The following SLC4A4 variants were observed in gnomAD, a reference collection of about 807,000 sequenced individuals.
SLC4A4 encodes solute carrier family 4 member 4, also known as electrogenic sodium bicarbonate cotransporter 1.
Under a neutral mutation model 111.5 loss-of-function variants are expected in SLC4A4, and 27 were observed. That is an observed-to-expected ratio of 0.24 (90% CI 0.18 to 0.33). The LOEUF (loss-of-function observed/expected upper bound fraction) is 0.33. Ranked by LOEUF, SLC4A4 falls within the 10% of genes least tolerant of loss-of-function variation. SLC4A4 has a pLI of 1.00. For missense variants in SLC4A4, 909 were observed against 1,315.5 expected, an observed-to-expected ratio of 0.69 and a Z score of 4.78; for synonymous variants, 443 against 463.4, an observed-to-expected ratio of 0.96 and a Z score of 0.57.
intron 12 of SLC4A4, among the ~76,000 whole-genome samples, chr4:71,457,212 G>T (rs1240908644): frequency 6.6e-6 from 1 of 152,166 alleles, no homozygotes; most frequent in African/African-American, 2.4e-5. Context: ...ATTAGAAGCA[G>T]ATTATTTTGG....
intron 3 of SLC4A4, among the ~76,000 whole-genome samples, chr4:71,299,421 G>A (rs1489021340): frequency 6.6e-6 from 1 of 152,206 alleles, no homozygotes; most frequent in Non-Finnish European, 1.5e-5. Flanking sequence ...GATGCTCTGT[G>A]TAGAGCTTCC....
chr4:71,409,396 T>A (rs781367073), intron 7 of SLC4A4, among the ~76,000 whole-genome samples: 10 of 152,202 alleles, frequency 6.6e-5, no homozygotes, highest in Non-Finnish European at 1.0e-4. Flanking sequence ...CAGATGGAGA[T>A]GTGTAACTTG....
chr4:71,399,291 T>A (rs1012121512), intron 7 of SLC4A4, among the ~76,000 whole-genome samples: 1 of 152,190 alleles, frequency 6.6e-6, no homozygotes, highest in Non-Finnish European at 1.5e-5. Context: ...TTTCACACTT[T>A]GCTGATTTTT....
At chr4:71,465,324 T>C (rs1343669209) in intron 12 of SLC4A4, among the ~76,000 whole-genome samples, 1 of 151,946 alleles carries the variant, frequency 6.6e-6, no homozygotes, top group Non-Finnish European at 1.5e-5. Flanking sequence ...AAATGTTTTA[T>C]TTTAAAAGTT....
upstream of SLC4A4, among the ~76,000 whole-genome samples, chr4:71,183,980 T>C (rs1202198985): frequency 6.6e-6 from 1 of 152,204 alleles, no homozygotes; most frequent in Non-Finnish European, 1.5e-5. Context: ...AACAATATTT[T>C]TCACCTTTTT....
At chr4:71,548,965 C>A (rs1328475198) in intron 20 of SLC4A4, among the ~76,000 whole-genome samples, 1 of 151,852 alleles carries the variant, frequency 6.6e-6, no homozygotes, top group Non-Finnish European at 1.5e-5. Flanking sequence ...TGTAATTATT[C>A]ATCTTTTTTC....
At chr4:71,536,484 A>ATATATATATATATATG (rs1456558456) in intron 18 of SLC4A4, among the ~76,000 whole-genome samples, 3 of 106,318 alleles carry the variant, frequency 2.8e-5, no homozygotes, top group Non-Finnish European at 5.8e-5. Flanking sequence ...ATATATATAT[A>ATATATATATATATATG]TATGTATATA....
intron 1 of SLC4A4, among the ~76,000 whole-genome samples, chr4:71,207,742 A>C (rs1244951458): frequency 6.6e-6 from 1 of 152,246 alleles, no homozygotes; most frequent in Admixed American, 6.5e-5. Flanking sequence ...TTGTGTAGAA[A>C]AATATTAATG....
rs72854445 is a variant in SLC4A4, at chr4:71,562,171, G to A, written c.3100-1622G>A. On this transcript the variant is annotated intron_variant, in intron 23 of 25. Coordinates refer to ENST00000264485, the MANE Select transcript of SLC4A4 (RefSeq NM_001098484.3). ...CCAACAGATTTCTTGAAGCCAAAGT[G>A]TCGTACTTGTTTTTTACCTCTTCCT... Among the ~76,000 whole-genome samples, 890 of 151,784 alleles carry A rather than the reference G, an allele frequency of 5.9e-3. 11 individuals carry two copies. The highest frequency in any genetic ancestry group is 0.02 in the African/African-American group (832 of 41,478).
At chr4:71,440,152 C>T (rs1175577099) in intron 7 of SLC4A4, among the ~76,000 whole-genome samples, 2 of 151,834 alleles carry the variant, frequency 1.3e-5, no homozygotes, top group African/African-American at 2.4e-5. Flanking sequence ...ACCTTTTTTA[C>T]TTGTTTTATT....
chr4:71,254,299 G>A (rs1721283830), intron 2 of SLC4A4, among the ~76,000 whole-genome samples: 1 of 152,084 alleles, frequency 6.6e-6, no homozygotes, highest in South Asian at 2.1e-4. Flanking sequence ...AAATGATGTG[G>A]AACTTTGAGT....
chr4:71,092,061 C>G (rs965160056), intron 1 of SLC4A4, among the ~76,000 whole-genome samples: 6 of 152,120 alleles, frequency 3.9e-5, no homozygotes, highest in Admixed American at 1.3e-4. Context: ...CTCTGTGTTA[C>G]CAGACTAGTA....
At chr4:71,228,777 A>G (rs574343499) in intron 1 of SLC4A4, among the ~76,000 whole-genome samples, 1 of 152,366 alleles carries the variant, frequency 6.6e-6, no homozygotes, top group East Asian at 1.9e-4. Context: ...GAAATTATAC[A>G]GAGAGGTTAC....
At chr4:71,172,993 T>C (rs912859702) in intron 2 of SLC4A4, among the ~76,000 whole-genome samples, 6 of 152,196 alleles carry the variant, frequency 3.9e-5, no homozygotes, top group African/African-American at 1.4e-4. Context: ...TATAGTACAT[T>C]ATAAACAAAT....
At chr4:71,461,167 T>C (rs13122514) in intron 12 of SLC4A4, among the ~76,000 whole-genome samples, 27,232 of 152,124 alleles carry the variant, frequency 0.18, 2,918 homozygotes, top group South Asian at 0.39. Flanking sequence ...AAAAGACTGG[T>C]GTTTCTTTTT....
chr4:71,446,757 T>C (rs556375719), intron 8 of SLC4A4, among the ~76,000 whole-genome samples: 2 of 152,386 alleles, frequency 1.3e-5, no homozygotes, highest in African/African-American at 4.8e-5. Flanking sequence ...CGTTAGGTGA[T>C]ACATGATCAA....
chr4:71,518,087 C>A lies in SLC4A4; in HGVS notation c.2167-13975C>A, dbSNP rs2167916. On this transcript the variant is annotated intron_variant, in intron 16 of 25. Coordinates refer to ENST00000264485, the MANE Select transcript of SLC4A4 (RefSeq NM_001098484.3). The stretch of plus-strand genomic sequence containing the variant: ...TACTAGAGCCTGGCTCCATGGGTAC[C>A]AGCCTAGAGCCTGAGGCTGGCTTGG... Among the ~76,000 whole-genome samples the A allele has an allele frequency of 3.8e-3, 584 of 152,226 alleles. 5 individuals are homozygous for A. The highest frequency in any genetic ancestry group is 0.013 in the African/African-American group (538 of 41,530).
rs1327632938 is a variant in SLC4A4, at chr4:71,487,010, A to C, written c.1966A>C (p.Thr656Pro). 1.3e-6 allele frequency: 2 copies of C among 1,585,476 alleles called. No individual in the cohort carries two copies. The highest frequency in any genetic ancestry group is 2.2e-5 in the South Asian group (2 of 90,470). Reference sequence around the variant, plus strand: ...AGAGTATTTGCCAACTATGTCTTCTACTGACATGGTAAGTGACTTACTATT... The same window carrying C: ...AGAGTATTTGCCAACTATGTCTTCTCCTGACATGGTAAGTGACTTACTATT... Reference protein sequence around the residue: ...APEYLPTMSSTDMYHNTTFDW... With the variant: ...APEYLPTMSSPDMYHNTTFDW... The change falls in exon 15 of 26, where the codon ACT becomes CCT. Residue 656 changes from threonine to proline, a missense_variant. This residue lies in a region of SLC4A4 where 264 missense variants were observed against 356.8 expected (regional missense o/e 0.74). Transcript: ENST00000264485.
intron 7 of SLC4A4, among the ~76,000 whole-genome samples, chr4:71,423,280 A>G (rs1297062534): frequency 6.6e-6 from 1 of 152,220 alleles, no homozygotes; most frequent in Non-Finnish European, 1.5e-5. Flanking sequence ...CCACCTTACA[A>G]GGGATGTGAA....
Sources: allele counts gnomAD v4.1 joint callset (sites outside exome capture counted in the v4.1 genomes callset), GRCh38; gene constraint gnomAD v4.1.1; regional missense constraint gnomAD v4.1.1; transcripts MANE v1.5; gene names NCBI Gene and HGNC (gene_info 2026-07-23, HGNC 2026-07-21).